The following CD86 variants were observed in gnomAD, a reference collection of about 807,000 sequenced individuals.
CD86 encodes CD86 molecule, also known as T-lymphocyte activation antigen CD86.
A neutral mutation model predicts 32.1 loss-of-function variants in CD86; 11 were observed. That is an observed-to-expected ratio of 0.34 (90% CI 0.22 to 0.57). CD86 has a LOEUF of 0.57. Ranked by LOEUF, CD86 falls within the 20% of genes least tolerant of loss-of-function variation. The probability of loss-of-function intolerance (pLI) is 0.86; values close to 1 mark genes in which losing one functional copy is unlikely to be tolerated. For missense variants in CD86, 359 were observed against 398.4 expected (o/e 0.90, Z 0.84); for synonymous variants, 137 against 135.3 (o/e 1.01, Z -0.09).
chr3:122,087,935 T>C (rs771021014), intron 1 of CD86, among the ~76,000 whole-genome samples: 1 of 152,168 alleles, frequency 6.6e-6, no homozygotes, highest in Non-Finnish European at 1.5e-5. Context: ...TCAGTGCTTC[T>C]CCCCACTGTG....
intron 1 of CD86, among the ~76,000 whole-genome samples, chr3:122,075,133 C>A (rs2072539083): frequency 6.6e-6 from 1 of 151,618 alleles, no homozygotes; most frequent in Non-Finnish European, 1.5e-5. Context: ...CCCCCTGCAA[C>A]TGTTGAAAGG....
Position 122,119,660 on chromosome 3 carries a change from G to A in CD86, c.*126G>A, listed in dbSNP as rs940553075. The A allele has an allele frequency of 3.8e-5, 24 of 637,448 alleles. No individual in the cohort carries two copies. The African/African-American group carries it at 4.4e-4, about 12-fold the overall frequency. 39.5% of individuals were successfully genotyped at this position (637,448 alleles called of 1,614,324 possible). On this transcript the variant is annotated 3_prime_UTR_variant, in exon 7 of 7. Coordinates refer to ENST00000330540, the MANE Select transcript of CD86 (RefSeq NM_175862.5). Reference sequence around the variant, plus strand: ...ACCATGAGTAATAAGGGGGCTCCAGGACTCCCTCTAAGTGGAATAGCCTCC... The same window carrying A: ...ACCATGAGTAATAAGGGGGCTCCAGAACTCCCTCTAAGTGGAATAGCCTCC...
chr3:122,101,532 ATATATAT>A (rs1184994165), intron 2 of CD86, among the ~76,000 whole-genome samples: 233 of 140,186 alleles, frequency 1.7e-3, no homozygotes, highest in Non-Finnish European at 3.1e-3. Flanking sequence ...ATATATATAT[ATATATAT>A]ATGTAAATCA....
chr3:122,057,582 T>C (rs2072256479), intron 1 of CD86, among the ~76,000 whole-genome samples: 1 of 152,212 alleles, frequency 6.6e-6, no homozygotes, highest in Admixed American at 6.5e-5. Context: ...ATCCCATCTG[T>C]AGGCAGAAAA....
intron 1 of CD86, among the ~76,000 whole-genome samples, chr3:122,068,575 T>C (rs1370932166): frequency 6.6e-6 from 1 of 152,230 alleles, no homozygotes; most frequent in Non-Finnish European, 1.5e-5. Context: ...CAGATAAAGA[T>C]TGAAAGGATA....
At chr3:122,087,192 A>G (rs1195845334) in intron 1 of CD86, among the ~76,000 whole-genome samples, 2 of 152,174 alleles carry the variant, frequency 1.3e-5, no homozygotes, top group African/African-American at 4.8e-5. Flanking sequence ...CTCCATTTAC[A>G]TGGAGGCTCC....
chr3:122,101,509 AAAAAATATATATAT>A (rs1403577855), intron 2 of CD86, among the ~76,000 whole-genome samples: 20,350 of 56,924 alleles, frequency 0.36, 2,063 homozygotes, highest in Admixed American at 0.53. Flanking sequence ...AAAAAAAAAA[AAAAAATATATATAT>A]ATATATATAT....
intron 1 of CD86, among the ~76,000 whole-genome samples, chr3:122,064,245 A>AG (rs2072381694): frequency 8.5e-6 from 1 of 117,556 alleles, no homozygotes; most frequent in Non-Finnish European, 2.0e-5. Context: ...ACCAAGAGGA[A>AG]AAAAAAAAAG....
intron 1 of CD86, among the ~76,000 whole-genome samples, chr3:122,056,439 A>T (rs1381382734): frequency 2.6e-5 from 4 of 152,114 alleles, no homozygotes; most frequent in African/African-American, 4.8e-5. Context: ...GATTCAAACG[A>T]TTCTCCTTCC....
intron 1 of CD86, among the ~76,000 whole-genome samples, chr3:122,070,559 G>A (rs778074910): frequency 1.1e-4 from 16 of 151,958 alleles, no homozygotes; most frequent in Non-Finnish European, 1.9e-4. Flanking sequence ...AAATTGTATC[G>A]CCCCTCAAAG....
intron 5 of CD86, among the ~76,000 whole-genome samples, chr3:122,109,951 A>T (rs1343301972): frequency 6.6e-6 from 1 of 152,222 alleles, no homozygotes; most frequent in African/African-American, 2.4e-5. Flanking sequence ...AAATAAAATA[A>T]TCTATAACTC....
intron 2 of CD86, 38 bp downstream of exon 2, chr3:122,091,688 A>G: frequency 6.4e-7 from 1 of 1,558,410 alleles, no homozygotes; most frequent in South Asian, 1.1e-5. Context: ...CTGGAATCCT[A>G]CTGTCTCCTG....
intron 5 of CD86, among the ~76,000 whole-genome samples, chr3:122,110,633 A>G (rs1378934821): frequency 6.6e-6 from 1 of 152,246 alleles, no homozygotes; most frequent in Non-Finnish European, 1.5e-5. Context: ...GATCGAATTT[A>G]AATAAATTAA....
Position 122,103,813 on chromosome 3 carries a change from C to T in CD86, c.366C>T (p.Arg122=). The T allele has an allele frequency of 1.2e-6, 2 of 1,613,764 alleles. No homozygotes were observed. The highest frequency in any genetic ancestry group is 1.7e-6 in the Non-Finnish European group (2 of 1,179,740). Residue 122 remains arginine (R), a synonymous_variant, in exon 3 of 7, where the codon CGC becomes CGT. Transcript: ENST00000330540. Reference sequence around the variant, plus strand: ...ACAAAAAGCCCACAGGAATGATTCGCATCCACCAGATGAATTCTGAACTGT... The same window carrying T: ...ACAAAAAGCCCACAGGAATGATTCGTATCCACCAGATGAATTCTGAACTGT... The part of the protein sequence containing the change: ...IHHKKPTGMI[R]IHQMNSELSV...
intron 5 of CD86, among the ~76,000 whole-genome samples, chr3:122,110,250 GAGTTAGTCCAAT>G (rs1326240931): frequency 6.6e-6 from 1 of 152,080 alleles, no homozygotes; most frequent in Non-Finnish European, 1.5e-5. Context: ...TTGGACACTT[GAGTTAGTCCAAT>G]AGTTTTGTTA....
intron 1 of CD86, among the ~76,000 whole-genome samples, chr3:122,058,079 G>A (rs971856213): frequency 6.6e-6 from 1 of 152,158 alleles, no homozygotes; most frequent in African/African-American, 2.4e-5. Context: ...ATTTTAATGA[G>A]ATAATCCATA....
At position 122,055,393 on chromosome 3, in the gene CD86, AAAGCTTTGCT is replaced by A; in HGVS notation, c.-96_-87del. 8.1e-7 allele frequency: 1 copy of A among 1,232,770 alleles called. No individual in the cohort carries two copies. Among genetic ancestry groups the A allele is most frequent in the South Asian group, 1.2e-5 (1 of 82,254 alleles). The allele number at this position is 1,232,770 out of a possible 1,614,324, so 76.4% of individuals were successfully genotyped here. On this transcript the variant is annotated 5_prime_UTR_variant, in exon 1 of 7. Transcript: ENST00000330540. ...TGCCGAGGAAGGCTTGCACAGGGTG[AAAGCTTTGCT>A]TCTCTGCTGCTGTAACAGGGACTAG...
At chr3:122,100,269 A>G (rs1309656726) in intron 2 of CD86, among the ~76,000 whole-genome samples, 2 of 152,218 alleles carry the variant, frequency 1.3e-5, no homozygotes, top group Non-Finnish European at 2.9e-5. Flanking sequence ...TGAGAAAGTC[A>G]GACACCTCAA....
chr3:122,109,133 T>G, intron 4 of CD86, 132 bp from the exon 5 acceptor site: 1 of 861,272 alleles, frequency 1.2e-6, no homozygotes, highest in East Asian at 2.7e-5. Flanking sequence ...TGGCCTCCTA[T>G]TGTGGATTTC....
Sources: allele counts gnomAD v4.1 joint callset (sites outside exome capture counted in the v4.1 genomes callset), GRCh38; gene constraint gnomAD v4.1.1; transcripts MANE v1.5; gene names NCBI Gene and HGNC (gene_info 2026-07-23, HGNC 2026-07-21).